The following SH3RF2 variants were observed in gnomAD, a reference collection of about 807,000 sequenced individuals.
SH3RF2 encodes E3 ubiquitin-protein ligase SH3RF2.
SH3RF2 carries 43 observed loss-of-function variants against 59.0 expected under a neutral mutation model. The ratio of observed to expected loss-of-function variants is 0.73; its 90% confidence interval spans 0.57 to 0.94. The LOEUF is 0.94. Ranked by LOEUF, SH3RF2 falls within the 40% of genes least tolerant of loss-of-function variation. SH3RF2 has a pLI of 0.00. For missense variants in SH3RF2, 930 were observed against 940.1 expected (o/e 0.99, Z 0.14); for synonymous variants, 391 against 391.5 (o/e 1.00, Z 0.01).
intron 5 of SH3RF2, among the ~76,000 whole-genome samples, chr5:146,042,630 T>G (rs1265984381): frequency 6.6e-6 from 1 of 152,184 alleles, no homozygotes; most frequent in African/African-American, 2.4e-5. Context: ...CCTGAGTGGC[T>G]GATGGTGAAG....
chr5:145,941,633 G>A (rs1222466145), intron 2 of SH3RF2, among the ~76,000 whole-genome samples: 1 of 152,182 alleles, frequency 6.6e-6, no homozygotes, highest in African/African-American at 2.4e-5. Context: ...TTCTGATTTA[G>A]GATAGGTGGT....
At chr5:146,007,999 A>G (rs1290710076) in intron 4 of SH3RF2, among the ~76,000 whole-genome samples, 5 of 152,182 alleles carry the variant, frequency 3.3e-5, no homozygotes, top group Non-Finnish European at 7.4e-5. Flanking sequence ...TCTTATGAGC[A>G]TGATGTGTGT....
intron 5 of SH3RF2, 50 bp from the exon 6 acceptor site, chr5:146,047,722 G>A (rs1164846038): frequency 3.2e-6 from 5 of 1,570,814 alleles, no homozygotes; most frequent in South Asian, 1.1e-5. Flanking sequence ...CTGTGGGCCT[G>A]GGTTGTGGCA....
intron 2 of SH3RF2, among the ~76,000 whole-genome samples, chr5:145,975,004 G>A (rs756064237): frequency 1.3e-5 from 2 of 152,112 alleles, no homozygotes; most frequent in Non-Finnish European, 2.9e-5. Context: ...CTCTTTTCTG[G>A]CCCACCTGAG....
At chr5:146,080,765 A>T (rs1763411517) in exon 10 of SH3RF2, 1 of 152,148 alleles carries the variant, frequency 6.6e-6, no homozygotes, top group South Asian at 2.1e-4. Flanking sequence ...GTCATCAGAG[A>T]TTTGTTCCAC....
chr5:146,004,020 A>G, intron 3 of SH3RF2, 38 bp from the exon 4 acceptor site: 4 of 1,572,358 alleles, frequency 2.5e-6, no homozygotes, highest in Non-Finnish European at 3.5e-6. Context: ...CTGCCTGAAA[A>G]TGAGAGTAAA....
chr5:146,046,382 A>C (rs1419434194), intron 5 of SH3RF2, among the ~76,000 whole-genome samples: 1 of 151,892 alleles, frequency 6.6e-6, no homozygotes, highest in East Asian at 1.9e-4. Context: ...TACCTACATA[A>C]ACACAAATAC....
At chr5:146,020,600 ATT>A (rs1307020930) in intron 5 of SH3RF2, among the ~76,000 whole-genome samples, 2 of 152,134 alleles carry the variant, frequency 1.3e-5, no homozygotes, top group African/African-American at 4.8e-5. Flanking sequence ...TTCACAGCAC[ATT>A]GTTTATACTT....
intron 2 of SH3RF2, among the ~76,000 whole-genome samples, chr5:145,943,956 GC>G (rs1363729180): frequency 6.6e-6 from 1 of 152,174 alleles, no homozygotes; most frequent in Non-Finnish European, 1.5e-5. Flanking sequence ...GTCCGTTCAT[GC>G]TATAAAAAGT....
At chr5:146,010,461 TC>T (rs1760835111) in intron 4 of SH3RF2, among the ~76,000 whole-genome samples, 1 of 152,206 alleles carries the variant, frequency 6.6e-6, no homozygotes, top group Non-Finnish European at 1.5e-5. Flanking sequence ...CACACCGTCT[TC>T]CACAATGATT....
intron 2 of SH3RF2, among the ~76,000 whole-genome samples, chr5:145,976,394 T>C (rs1221947651): frequency 6.8e-6 from 1 of 147,286 alleles, no homozygotes; most frequent in Non-Finnish European, 1.5e-5. Flanking sequence ...ACAAACTCAA[T>C]AAATGATGAC....
At chr5:146,038,100 C>T (rs927489956) in intron 5 of SH3RF2, among the ~76,000 whole-genome samples, 1 of 152,016 alleles carries the variant, frequency 6.6e-6, no homozygotes, top group Non-Finnish European at 1.5e-5. Flanking sequence ...TCAATAGGTA[C>T]AGAAAATGTT....
intron 2 of SH3RF2, among the ~76,000 whole-genome samples, chr5:145,995,401 G>A (rs1453743658): frequency 6.6e-6 from 1 of 152,188 alleles, no homozygotes; most frequent in African/African-American, 2.4e-5. Context: ...GTTCCCTGAT[G>A]TACCCAACCC....
At chr5:146,027,662 T>C (rs1203418789) in intron 5 of SH3RF2, among the ~76,000 whole-genome samples, 2 of 152,160 alleles carry the variant, frequency 1.3e-5, no homozygotes, top group Non-Finnish European at 2.9e-5. Context: ...GTCCACCTAG[T>C]CTAGAAAGTC....
At chr5:145,965,150 G>T (rs925580939) in intron 2 of SH3RF2, among the ~76,000 whole-genome samples, 1 of 151,742 alleles carries the variant, frequency 6.6e-6, no homozygotes, top group East Asian at 1.9e-4. Flanking sequence ...CTGAGATCGC[G>T]CCACTGCACT....
intron 8 of SH3RF2, among the ~76,000 whole-genome samples, chr5:146,058,356 G>C (rs529594530): frequency 6.6e-6 from 1 of 152,234 alleles, no homozygotes; most frequent in East Asian, 1.9e-4. Context: ...AGTCTCTCCA[G>C]AGCAAAGAGA....
rs77381063 is a variant in SH3RF2 at position 146,032,008 on chromosome 5, C to T, written c.1060-15764C>T. On this transcript the variant is annotated intron_variant, in intron 5 of 9. Transcript: ENST00000359120. The stretch of plus-strand genomic sequence containing the variant: ...GGATGAACTTCATAGCCAAGGTCCC[C>T]CAGCCAGGTAGGAGGGCATGGAATG... Among the ~76,000 whole-genome samples, 479 of 152,270 alleles carry T rather than the reference C, an allele frequency of 3.1e-3. 1 individual carries two copies. The highest frequency in any genetic ancestry group is 0.011 in the African/African-American group (471 of 41,556).
At chr5:146,048,784 T>C (rs1762391057) in intron 6 of SH3RF2, among the ~76,000 whole-genome samples, 1 of 152,180 alleles carries the variant, frequency 6.6e-6, no homozygotes. Context: ...ACTTGGATAT[T>C]ACCTGCCTGA....
intron 2 of SH3RF2, among the ~76,000 whole-genome samples, chr5:145,951,386 T>C (rs1758187494): frequency 6.6e-6 from 1 of 152,216 alleles, no homozygotes; most frequent in South Asian, 2.1e-4. Context: ...ATGGCATTAG[T>C]AAATTTCTCC....
Sources: allele counts gnomAD v4.1 joint callset (sites outside exome capture counted in the v4.1 genomes callset), GRCh38; gene constraint gnomAD v4.1.1; transcripts MANE v1.5; gene names NCBI Gene and HGNC (gene_info 2026-07-23, HGNC 2026-07-21).